The following SLC35G1 variants were observed in gnomAD, a reference collection of about 807,000 sequenced individuals.
The protein encoded by SLC35G1 is solute carrier family 35 member G1.
SLC35G1 carries 10 observed loss-of-function variants against 17.1 expected under a neutral mutation model. The observed-to-expected ratio is 0.59, with a 90% CI of 0.36 to 0.99. The LOEUF is 0.99. SLC35G1 is among the 50% of genes least tolerant of loss of function. SLC35G1 has a pLI of 0.01. For missense variants in SLC35G1, 433 were observed against 468.4 expected (o/e 0.92, Z 0.70); for synonymous variants, 185 against 181.1 (o/e 1.02, Z -0.18).
chr10:93,908,892 C>T (rs1312002680), exon 3 of SLC35G1: 2 of 152,314 alleles, frequency 1.3e-5, no homozygotes, highest in African/African-American at 4.8e-5. Context: ...CAGCCACATT[C>T]AGCCGTAACT....
chr10:93,901,098 G>C lies in SLC35G1; in HGVS notation c.706G>C (p.Ala236Pro), dbSNP rs1469568725. The C allele has an allele frequency of 6.2e-7, 1 of 1,614,104 alleles. No individual in the cohort carries two copies. The change falls in exon 3 of 3, where the codon GCA (alanine) becomes CCA (proline). Residue 236 changes from alanine (A) to proline (P), a missense_variant. By Grantham distance (27) the Ala-to-Pro change is conservative (BLOSUM62 -1). Transcript: ENST00000427197. ...AGCAATTGGAAGTGCCGTATTTGCT[G>C]CATCGACTCTAGTTATCCTAAGAAA... ...FAAIGSAVFA[A>P]STLVILRKMG...
rs11389471 is a variant in SLC35G1 at position 93,901,792 on chromosome 10, T to TA, written c.*302_*303insA. 0.45 allele frequency: 102,645 copies of TA among 226,398 alleles called. 25,404 individuals are homozygous for TA. The highest frequency in any genetic ancestry group is 0.85 in the East Asian group (7,999 of 9,440). The allele number at this position is 226,398 out of a possible 1,614,324, so 14.0% of individuals were successfully genotyped here. On this transcript the variant is annotated 3_prime_UTR_variant, in exon 3 of 3. Coordinates refer to ENST00000427197, the MANE Select transcript of SLC35G1 (RefSeq NM_001134658.3). ...CAAAACATTTTATGGCTAGTAATAT[T>TA]TATGTAATTTTTAAAATGTATTTTT...
downstream of SLC35G1, among the ~76,000 whole-genome samples, chr10:93,904,092 CTG>C (rs1266578760): frequency 1.3e-5 from 2 of 152,176 alleles, no homozygotes; most frequent in Non-Finnish European, 2.9e-5. Context: ...GCTTTGAACT[CTG>C]TACTTTTTGT....
In SLC35G1 at chr10:93,902,755, A is replaced by G. The variant is rs974952034; in HGVS notation, c.*1265A>G. Reference sequence around the variant, plus strand: ...TTCTAGTTTATCAGCATGATGTTAAATGTCAGTGCCATACCATGATGCAGC... The same window carrying G: ...TTCTAGTTTATCAGCATGATGTTAAGTGTCAGTGCCATACCATGATGCAGC... On this transcript the variant is annotated 3_prime_UTR_variant, in exon 3 of 3. Transcript: ENST00000427197. 6.6e-6 allele frequency: 1 copy of G among 152,624 alleles called. No individual in the cohort carries two copies. Among genetic ancestry groups the G allele is most frequent in the African/African-American group, 2.4e-5 (1 of 41,448 alleles). 9.5% of individuals were successfully genotyped at this position (152,624 alleles called of 1,614,324 possible).
chr10:93,897,327 T>C (rs1466916309), intron 1 of SLC35G1, among the ~76,000 whole-genome samples: 1 of 152,176 alleles, frequency 6.6e-6, no homozygotes, highest in Non-Finnish European at 1.5e-5. Context: ...TTACCTGGTG[T>C]TTACATTTAT....
chr10:93,901,182 G>A lies in SLC35G1; in HGVS notation c.790G>A (p.Val264Ile), dbSNP rs199545587. The change falls in exon 3 of 3, where the codon GTT becomes ATT. Residue 264 changes from valine (V) to isoleucine (I), a missense_variant. Physicochemically the swap from Val to Ile is conservative, Grantham distance 29 (BLOSUM62 3). Coordinates refer to ENST00000427197, the MANE Select transcript of SLC35G1 (RefSeq NM_001134658.3). ...TTGGTATTATGTAGTACTTGGCCTC[G>A]TTGAAAGTGTCATCATCCTCTCTGT... ...SIWYYVVLGL[V>I]ESVIILSVLG... 3.2e-5 allele frequency: 51 copies of A among 1,613,950 alleles called. No individual in the cohort carries two copies. Among genetic ancestry groups the A allele is most frequent in the African/African-American group, 5.3e-5 (4 of 74,904 alleles).
At chr10:93,905,946 C>T (rs1277369163), downstream of SLC35G1, among the ~76,000 whole-genome samples, 1 of 152,080 alleles carries the variant, frequency 6.6e-6, no homozygotes, top group Admixed American at 6.6e-5. Context: ...CTCCATGGTG[C>T]AGCAGAAGTA....
downstream of SLC35G1, chr10:93,906,454 G>C (rs2060429784): frequency 6.6e-6 from 1 of 152,222 alleles, no homozygotes; most frequent in Non-Finnish European, 1.5e-5. Flanking sequence ...GCTGTGTGGA[G>C]CAGAGACAAG....
rs780643914 is a variant in SLC35G1, at chr10:93,901,071, G to A, written c.679G>A (p.Ala227Thr). ...TTCAGGCCACCTTAAGGGAACATTC[G>A]CAGCAATTGGAAGTGCCGTATTTGC... ...SYSGHLKGTFAAIGSAVFAAS... is the reference protein window; with the variant it reads ...SYSGHLKGTFTAIGSAVFAAS... The change falls in exon 3 of 3, where the codon GCA becomes ACA. Residue 227 changes from alanine to threonine, a missense_variant. Transcript: ENST00000427197. 6 of 1,614,026 alleles carry A rather than the reference G, an allele frequency of 3.7e-6. No individual in the cohort carries two copies. The highest frequency in any genetic ancestry group is 3.3e-5 in the Admixed American group (2 of 60,000).
At chr10:93,903,846 A>C (rs1444582252), downstream of SLC35G1, 1 of 152,234 alleles carries the variant, frequency 6.6e-6, no homozygotes, top group Non-Finnish European at 1.5e-5. Context: ...TTATGATTAT[A>C]GCAAATATAT....
At position 93,901,260 on chromosome 10, in the gene SLC35G1, T is replaced by C. The variant is rs1307074878; in HGVS notation, c.868T>C (p.Phe290Leu). The C allele has an allele frequency of 6.2e-7, 1 of 1,613,904 alleles. No homozygotes were observed. Among genetic ancestry groups the C allele is most frequent in the Non-Finnish European group, 8.5e-7 (1 of 1,179,828 alleles). Residue 290 changes from phenylalanine (F) to leucine (L), a missense_variant, in exon 3 of 3, where the codon TTC (phenylalanine) becomes CTC (leucine). Coordinates refer to ENST00000427197, the MANE Select transcript of SLC35G1 (RefSeq NM_001134658.3). ...TGGGTTGGACAGGCTATTTCTCATATTCATTGGGCTCTTTGGTTTGGGGGG... is the reference window on the plus strand; with the variant it reads ...TGGGTTGGACAGGCTATTTCTCATACTCATTGGGCTCTTTGGTTTGGGGGG... Reference protein sequence around the residue: ...YCGLDRLFLIFIGLFGLGGQI... With the variant: ...YCGLDRLFLILIGLFGLGGQI...
intron 1 of SLC35G1, among the ~76,000 whole-genome samples, chr10:93,897,335 T>G (rs1157230305): frequency 6.6e-6 from 1 of 152,226 alleles, no homozygotes; most frequent in African/African-American, 2.4e-5. Context: ...TGTTTACATT[T>G]ATCAGAGAAG....
chr10:93,899,268 C>T (rs1056438624), intron 2 of SLC35G1, among the ~76,000 whole-genome samples: 4 of 152,160 alleles, frequency 2.6e-5, no homozygotes, highest in Non-Finnish European at 4.4e-5. Flanking sequence ...GGGAATGATA[C>T]TGTGTGACTT....
rs1288695088 is a variant in SLC35G1, at chr10:93,900,644, C to T, written c.360-108C>T. The T allele has an allele frequency of 1.9e-5, 17 of 875,644 alleles. No individual in the cohort carries two copies. In the East Asian group the frequency reaches 4.5e-4, roughly 23 times the overall value. The allele number at this position is 875,644 out of a possible 1,614,324, so 54.2% of individuals were successfully genotyped here. ...GATATTATAATTAATTTACTATTCC[C>T]TCATTTTTTGATATTTAGTACTTTT... On this transcript the variant is annotated intron_variant, in intron 2 of 2. Transcript: ENST00000427197.
chr10:93,907,696 G>C (rs1188938844), downstream of SLC35G1: 1 of 152,132 alleles, frequency 6.6e-6, no homozygotes, highest in Non-Finnish European at 1.5e-5. Flanking sequence ...GTTAACATTG[G>C]TTGCCTTTGG....
At chr10:93,904,802 A>G (rs1215447467), downstream of SLC35G1, among the ~76,000 whole-genome samples, 1 of 152,244 alleles carries the variant, frequency 6.6e-6, no homozygotes, top group Non-Finnish European at 1.5e-5. Flanking sequence ...AAGAAGGATG[A>G]AAACATTAAG....
At chr10:93,896,159 T>G (rs1181463178) in intron 1 of SLC35G1, among the ~76,000 whole-genome samples, 1 of 152,052 alleles carries the variant, frequency 6.6e-6, no homozygotes, top group Non-Finnish European at 1.5e-5. Flanking sequence ...CCCGACTAAT[T>G]TAAAAATATT....
chr10:93,907,439 G>A (rs1340923528), downstream of SLC35G1: 1 of 152,186 alleles, frequency 6.6e-6, no homozygotes, highest in Non-Finnish European at 1.5e-5. Context: ...ATAGCAAGAA[G>A]AAATGGAACT....
chr10:93,894,994 C>A (rs2060316403), intron 1 of SLC35G1, among the ~76,000 whole-genome samples: 2 of 152,202 alleles, frequency 1.3e-5, no homozygotes, highest in Non-Finnish European at 2.9e-5. Flanking sequence ...TTGCCATATA[C>A]CGGCCTAGGG....
Sources: gnomAD v4.1 joint callset for allele counts (sites outside exome capture counted in the v4.1 genomes callset) on GRCh38, gnomAD v4.1.1 for gene constraint, MANE v1.5 for transcripts, NCBI Gene and HGNC (gene_info 2026-07-23, HGNC 2026-07-21) for gene names.